Variants in GNAZ observed in about 807,000 individuals in gnomAD.
GNAZ encodes guanine nucleotide-binding protein G(z) subunit alpha.
A neutral mutation model predicts 25.4 loss-of-function variants in GNAZ; 3 were observed. The ratio of observed to expected loss-of-function variants is 0.12; its 90% CI spans 0.05 to 0.30. The LOEUF (loss-of-function observed/expected upper bound fraction) is 0.30. Among genes scored for constraint, GNAZ ranks in the 10% least tolerant of loss-of-function variants. The pLI is 1.00. For synonymous variants in GNAZ, 211 were observed against 205.7 expected (o/e 1.03, Z -0.22); for missense variants, 241 against 501.8 (o/e 0.48, Z 4.97).
intron 2 of GNAZ, among the ~76,000 whole-genome samples, chr22:23,103,436 G>A (rs1053904490): frequency 1.3e-5 from 2 of 152,104 alleles, no homozygotes; most frequent in South Asian, 2.1e-4. Flanking sequence ...TGAAGAACCC[G>A]ACAGTGTCCT....
In GNAZ at chr22:23,124,213, G is replaced by GT. The variant is rs1722060192; in HGVS notation, c.*782_*783insT. ...ACATTTTTTTTTTGTTTTGTTTTTTGGTTTTTTTTTTTTTTTGGCCAAATC... is the reference window on the plus strand; with the variant it reads ...ACATTTTTTTTTTGTTTTGTTTTTTGTGTTTTTTTTTTTTTTTGGCCAAATC... On this transcript the variant is annotated 3_prime_UTR_variant, in exon 3 of 3. Coordinates refer to ENST00000615612, the MANE Select transcript of GNAZ (RefSeq NM_002073.4). 9 of 179,706 alleles carry GT rather than the reference G, an allele frequency of 5.0e-5. No homozygotes were observed. Among genetic ancestry groups the GT allele is most frequent in the African/African-American group, 1.6e-4 (6 of 37,066 alleles). The allele number at this position is 179,706 out of a possible 1,614,324, so 11.1% of individuals were successfully genotyped here.
intron 1 of GNAZ, among the ~76,000 whole-genome samples, chr22:23,079,097 A>G (rs1425407188): frequency 6.6e-6 from 1 of 152,220 alleles, no homozygotes; most frequent in Non-Finnish European, 1.5e-5. Flanking sequence ...CATGGGATAC[A>G]TCAATGAACA....
rs1242546685 is a variant in GNAZ, at chr22:23,096,248, A to G, written c.553A>G (p.Ile185Val). Residue 185 changes from isoleucine to valine, a missense_variant, in exon 2 of 3, where the codon ATT becomes GTT. Transcript: ENST00000615612. ...GCGCTCCCGGGACATGACCACGGGC[A>G]TTGTGGAGAACAAGTTCACCTTCAA... ...ILRSRDMTTG[I>V]VENKFTFKEL... The G allele has an allele frequency of 1.2e-6, 2 of 1,613,992 alleles. No homozygotes were observed. The highest frequency in any genetic ancestry group is 1.7e-6 in the Non-Finnish European group (2 of 1,180,010).
Position 23,071,417 on chromosome 22 carries a change from G to A in GNAZ, c.-450+847G>A, listed in dbSNP as rs763687113. 9.9e-5 allele frequency among the ~76,000 whole-genome samples: 15 copies of A among 152,222 alleles called. No homozygotes were observed. The highest frequency in any genetic ancestry group is 2.1e-4 in the Non-Finnish European group (14 of 68,034). On this transcript the variant is annotated intron_variant, in intron 1 of 2. Coordinates refer to ENST00000615612, the MANE Select transcript of GNAZ (RefSeq NM_002073.4). This position sits in a 1 kb window ranked among gnomAD's most constrained non-coding sequence, Gnocchi z 4.1. ...CCAGCGTTCCGCGTAGTCCGTGTTG[G>A]GGTGGAGGGACCCGCCTGGTAGAGA...
chr22:23,108,593 A>G (rs533996583), intron 2 of GNAZ, among the ~76,000 whole-genome samples: 2 of 152,252 alleles, frequency 1.3e-5, no homozygotes, highest in Non-Finnish European at 2.9e-5. Context: ...CTGAGGAGAC[A>G]TGACCATGGT....
At chr22:23,104,959 A>C (rs2069419253) in intron 2 of GNAZ, among the ~76,000 whole-genome samples, 1 of 152,238 alleles carries the variant, frequency 6.6e-6, no homozygotes, top group African/African-American at 2.4e-5. Flanking sequence ...TTCTCTCTGC[A>C]TGTGGCTCCC....
chr22:23,095,921 A>G lies in GNAZ; in HGVS notation c.226A>G (p.Asn76Asp), dbSNP rs1276612366. 1.9e-6 allele frequency: 3 copies of G among 1,613,480 alleles called. No homozygotes were observed. In the Admixed American group the frequency reaches 5.0e-5, roughly 27 times the overall value. The change falls in exon 2 of 3, where the codon AAT becomes GAT. Residue 76 changes from asparagine (N) to aspartate (D), a missense_variant. Transcript: ENST00000615612. ...CKEYKPLIIY[N>D]AIDSLTRIIR... is the part of the protein sequence containing the mutation. Reference sequence around the variant, plus strand: ...GGAGTACAAGCCCCTCATCATCTACAATGCCATCGACTCGCTGACCCGCAT... The same window carrying G: ...GGAGTACAAGCCCCTCATCATCTACGATGCCATCGACTCGCTGACCCGCAT...
chr22:23,123,955 G>C lies in GNAZ; in HGVS notation c.*524G>C, dbSNP rs1268650018. The C allele has an allele frequency of 4.7e-6, 1 of 211,312 alleles. No homozygotes were observed. The highest frequency in any genetic ancestry group is 9.7e-6 in the Non-Finnish European group (1 of 103,088). The allele number at this position is 211,312 out of a possible 1,614,324, so 13.1% of individuals were successfully genotyped here. A position where few individuals can be genotyped will look rare whatever the true frequency, so the allele number is the denominator to read the frequency against. On this transcript the variant is annotated 3_prime_UTR_variant, in exon 3 of 3. Transcript: ENST00000615612. Reference sequence around the variant, plus strand: ...CACCTTCCCTGCTGGCCTGCACACAGCTGCTCAGCACCACTTTCATTCTGG... The same window carrying C: ...CACCTTCCCTGCTGGCCTGCACACACCTGCTCAGCACCACTTTCATTCTGG...
chr22:23,095,786 C>T lies in GNAZ; in HGVS notation c.91C>T (p.Arg31Cys), dbSNP rs1432707029. Residue 31 changes from arginine to cysteine, a missense_variant, in exon 2 of 3, where the codon CGC becomes TGC. Arg to Cys is a radical substitution (Grantham distance 180). Transcript: ENST00000615612. ...CCTGCGCTCAGAGAGCCAGCGGCAA[C>T]GCCGCGAAATCAAGCTGCTCCTGCT... ...RHLRSESQRQ[R>C]REIKLLLLGT... is the part of the protein sequence containing the mutation. 6 of 1,613,162 alleles carry T rather than the reference C, an allele frequency of 3.7e-6. No individual in the cohort carries two copies. Among genetic ancestry groups the T allele is most frequent in the East Asian group, 2.2e-5 (1 of 44,896 alleles).
At chr22:23,121,020 T>C (rs2070010242) in intron 2 of GNAZ, among the ~76,000 whole-genome samples, 1 of 152,216 alleles carries the variant, frequency 6.6e-6, no homozygotes, top group South Asian at 2.1e-4. Context: ...AGGAATCCAT[T>C]AGAGCTAATT....
chr22:23,095,980 C>G lies in GNAZ; in HGVS notation c.285C>G (p.Phe95Leu), dbSNP rs938228823. 6.2e-7 allele frequency: 1 copy of G among 1,610,556 alleles called. No homozygotes were observed. Among genetic ancestry groups the G allele is most frequent in the Non-Finnish European group, 8.5e-7 (1 of 1,180,002 alleles). The change falls in exon 2 of 3, where the codon TTC becomes TTG. Residue 95 changes from phenylalanine to leucine, a missense_variant. Coordinates refer to ENST00000615612, the MANE Select transcript of GNAZ (RefSeq NM_002073.4). Reference protein sequence around the residue: ...IRALAALRIDFHNPDRAYDAV... With the variant: ...IRALAALRIDLHNPDRAYDAV... ...CCCTGGCCGCCCTCAGGATCGACTT[C>G]CACAACCCCGACCGCGCCTACGACG...
At chr22:23,099,750 A>G (rs1266448315) in intron 2 of GNAZ, among the ~76,000 whole-genome samples, 1 of 152,056 alleles carries the variant, frequency 6.6e-6, no homozygotes, top group Non-Finnish European at 1.5e-5. Flanking sequence ...AAAGACAGTC[A>G]CTCTGCTGCC....
At chr22:23,080,167 A>T (rs2068636377) in intron 1 of GNAZ, among the ~76,000 whole-genome samples, 1 of 152,116 alleles carries the variant, frequency 6.6e-6, no homozygotes, top group Non-Finnish European at 1.5e-5. Flanking sequence ...GAACCTTTGC[A>T]TATTGATTTA....
At position 23,104,890 on chromosome 22, in the gene GNAZ, G is replaced by A. The variant is rs572778459; in HGVS notation, c.723+8472G>A. Among the ~76,000 whole-genome samples the A allele has an allele frequency of 2.0e-3, 309 of 152,330 alleles. 2 individuals are homozygous for A. The highest frequency in any genetic ancestry group is 7.1e-3 in the African/African-American group (295 of 41,570). ...GAATGACAGTCAGCTAGGGTGCATG[G>A]CCCTGGGCATCTCAGGGGGGACACC... On this transcript the variant is annotated intron_variant, in intron 2 of 2. Transcript: ENST00000615612.
chr22:23,097,064 G>A (rs2069146156), intron 2 of GNAZ, among the ~76,000 whole-genome samples: 1 of 152,218 alleles, frequency 6.6e-6, no homozygotes, highest in African/African-American at 2.4e-5. Flanking sequence ...ACAGCCAGGA[G>A]TGGCAGCGGT....
chr22:23,094,254 G>T (rs1264595398), intron 1 of GNAZ, among the ~76,000 whole-genome samples: 1 of 152,146 alleles, frequency 6.6e-6, no homozygotes, highest in Non-Finnish European at 1.5e-5. Flanking sequence ...GGTGGGGCCT[G>T]GTGCCACCCT....
At chr22:23,118,965 A>C (rs887786271) in intron 2 of GNAZ, among the ~76,000 whole-genome samples, 1 of 152,232 alleles carries the variant, frequency 6.6e-6, no homozygotes, top group Non-Finnish European at 1.5e-5. Flanking sequence ...AGGCACAGCC[A>C]GTCATGTTTT....
At chr22:23,078,112 C>G (rs1005517615) in intron 1 of GNAZ, among the ~76,000 whole-genome samples, 2 of 152,184 alleles carry the variant, frequency 1.3e-5, no homozygotes, top group Non-Finnish European at 2.9e-5. Context: ...AGGGCGGGTG[C>G]GGGTGGCCTG....
At chr22:23,106,102 C>T (rs762958555) in intron 2 of GNAZ, among the ~76,000 whole-genome samples, 3 of 152,226 alleles carry the variant, frequency 2.0e-5, no homozygotes, top group African/African-American at 4.8e-5. Flanking sequence ...CCTCCAGTCA[C>T]GTGACTCCCG....
Sources: gnomAD v4.1 joint callset for allele counts (sites outside exome capture counted in the v4.1 genomes callset) on GRCh38, gnomAD v4.1.1 for gene constraint, Gnocchi (gnomAD v3.1) non-coding constraint, MANE v1.5 for transcripts, NCBI Gene and HGNC (gene_info 2026-07-23, HGNC 2026-07-21) for gene names.